PSIP1: variants seen among roughly 807,000 people sequenced by gnomAD.
The protein encoded by PSIP1 is PC4 and SRSF1 interacting protein 1, also known as PC4 and SFRS1-interacting protein.
PSIP1 carries 19 observed loss-of-function variants against 74.7 expected under a neutral mutation model. That is an observed-to-expected ratio of 0.25 (90% CI 0.18 to 0.37). The LOEUF (loss-of-function observed/expected upper bound fraction) is 0.37, where lower values mean the gene tolerates loss of function less well. PSIP1 is among the 10% of genes least tolerant of loss of function. The pLI is 1.00. For synonymous variants in PSIP1, 222 were observed against 195.3 expected (o/e 1.14, Z -1.14); for missense variants, 601 against 614.3 (o/e 0.98, Z 0.23).
chr9:15,478,267 C>T (rs900913547), intron 8 of PSIP1, among the ~76,000 whole-genome samples: 5 of 150,632 alleles, frequency 3.3e-5, no homozygotes, highest in South Asian at 2.1e-4. Context: ...ATTGATATAC[C>T]CAAGAGTCTT....
At chr9:15,473,937 A>G in intron 9 of PSIP1, 72 bp downstream of exon 9, 3 of 976,424 alleles carry the variant, frequency 3.1e-6, no homozygotes, top group Non-Finnish European at 2.7e-6. Context: ...CAAAAAAAAA[A>G]CAAAGAAAAA....
intron 11 of PSIP1, 76 bp from the exon 12 acceptor site, chr9:15,469,412 T>G: frequency 3.5e-6 from 3 of 866,248 alleles, no homozygotes; most frequent in Non-Finnish European, 3.6e-6. Flanking sequence ...CTAAGTATAA[T>G]GAATTAGTGG....
At chr9:15,468,916 T>C in intron 13 of PSIP1, 41 bp downstream of exon 13, 4 of 1,605,534 alleles carry the variant, frequency 2.5e-6, no homozygotes, top group East Asian at 2.2e-5. Flanking sequence ...AATGAAGTAA[T>C]GACAAAATTC....
chr9:15,488,162 C>T (rs1431326170), intron 4 of PSIP1, among the ~76,000 whole-genome samples: 1 of 151,936 alleles, frequency 6.6e-6, no homozygotes, highest in Non-Finnish European at 1.5e-5. Flanking sequence ...AACCCCATCT[C>T]TACTAAAAAT....
chr9:15,468,350 T>A (rs765778683), intron 14 of PSIP1: 1 of 628,356 alleles, frequency 1.6e-6, no homozygotes, highest in East Asian at 3.6e-5. Flanking sequence ...TTAGGAGGCA[T>A]TGTGATGGAT....
intron 3 of PSIP1, among the ~76,000 whole-genome samples, chr9:15,490,532 A>C (rs1284567032): frequency 6.6e-6 from 1 of 151,852 alleles, no homozygotes; most frequent in Non-Finnish European, 1.5e-5. Context: ...AAAATACAAA[A>C]ATTAGCCGGG....
At chr9:15,498,500 A>G (rs979185630) in intron 3 of PSIP1, among the ~76,000 whole-genome samples, 1 of 151,766 alleles carries the variant, frequency 6.6e-6, no homozygotes, top group African/African-American at 2.4e-5. Flanking sequence ...ATGACAGCAG[A>G]TGGAAAAAAA....
chr9:15,510,278 C>A lies in PSIP1; in HGVS notation c.-90G>T. On this transcript the variant is annotated 5_prime_UTR_variant, in exon 2 of 16. Coordinates refer to ENST00000380733, the MANE Select transcript of PSIP1 (RefSeq NM_033222.5). Reference sequence around the variant, plus strand: ...ATGCGGGCGGCGGACGCGGGCCCAGCTACCGGGCCCGCGGGCGGGGGAGGA... The same window carrying A: ...ATGCGGGCGGCGGACGCGGGCCCAGATACCGGGCCCGCGGGCGGGGGAGGA... The A allele has an allele frequency of 9.1e-7, 1 of 1,096,624 alleles. No homozygotes were observed. The highest frequency in any genetic ancestry group is 1.3e-6 in the Non-Finnish European group (1 of 788,778). 67.9% of individuals were successfully genotyped at this position (1,096,624 alleles called of 1,614,324 possible).
At position 15,468,946 on chromosome 9, in the gene PSIP1, A is replaced by G; in HGVS notation, c.1206+11T>C. 6.2e-7 allele frequency: 1 copy of G among 1,611,946 alleles called. No homozygotes were observed. The highest frequency in any genetic ancestry group is 8.5e-7 in the Non-Finnish European group (1 of 1,178,914). ...AAATTCAAAGAATCCACATGACTTG[A>G]AATCACTTACTTTTTTCAGTGTAGT... On this transcript the variant is annotated intron_variant, in intron 13 of 15. Coordinates refer to ENST00000380733, the MANE Select transcript of PSIP1 (RefSeq NM_033222.5).
intron 3 of PSIP1, among the ~76,000 whole-genome samples, chr9:15,496,017 G>A (rs2037056051): frequency 6.6e-6 from 1 of 152,064 alleles, no homozygotes; most frequent in Non-Finnish European, 1.5e-5. Context: ...GTCACATGGG[G>A]ACATCATTAG....
At chr9:15,491,413 C>G (rs189533587) in intron 3 of PSIP1, among the ~76,000 whole-genome samples, 13 of 152,330 alleles carry the variant, frequency 8.5e-5, no homozygotes, top group African/African-American at 3.1e-4. Context: ...AGACTCAAGT[C>G]TTTCCACTAC....
rs117627175 is a variant in PSIP1 at position 15,492,625 on chromosome 9, C to T, written c.150-2501G>A. Among the ~76,000 whole-genome samples the T allele has an allele frequency of 2.0e-4, 30 of 152,270 alleles. No individual in the cohort carries two copies. The East Asian group carries it at 4.4e-3, about 23-fold the overall frequency. ...CAGTGCCCCAGTGCGGACTCGGTGT[C>T]GGGGATGCAACCCCACATTTCCCTT... is the stretch of plus-strand genomic sequence containing the variant. On this transcript the variant is annotated intron_variant, in intron 3 of 15. Transcript: ENST00000380733.
rs56229158 is a variant in PSIP1, at chr9:15,497,320, G to A, written c.150-7196C>T. ...AGCCACTGAAGACCACACGTTCTAT[G>A]ATTCCTTTTTTTTTTTTTTTTGAGA... On this transcript the variant is annotated intron_variant, in intron 3 of 15. Transcript: ENST00000380733. 2.1e-3 allele frequency among the ~76,000 whole-genome samples: 245 copies of A among 114,500 alleles called. 1 individual carries two copies. Among genetic ancestry groups the A allele is most frequent in the African/African-American group, 0.013 (241 of 18,032 alleles). 75.1% of individuals were successfully genotyped at this position (114,500 alleles called of 152,430 possible).
Position 15,474,027 on chromosome 9 carries a change from A to C in PSIP1, c.840T>G (p.Asp280Glu). Residue 280 changes from aspartate to glutamate, a missense_variant, in exon 9 of 16, where the codon GAT (aspartate) becomes GAG (glutamate). By Grantham distance (45) the Asp-to-Glu change is conservative (BLOSUM62 2). This residue lies in a region of PSIP1 where 538 missense variants were observed against 507.6 expected (regional missense o/e 1.06). Transcript: ENST00000380733. ...TTTATACCTTTTCACCTTCTTGATC[A>C]TCTCCTTCTTCTTCAGAATCGGAGG... is the stretch of plus-strand genomic sequence containing the variant. Reference protein sequence around the residue: ...TSTSDSEEEGDDQEGEKKRKG... With the variant: ...TSTSDSEEEGEDQEGEKKRKG... The C allele has an allele frequency of 6.2e-7, 1 of 1,612,794 alleles. No individual in the cohort carries two copies. Among genetic ancestry groups the C allele is most frequent in the African/African-American group, 1.3e-5 (1 of 74,856 alleles).
intron 3 of PSIP1, chr9:15,505,746 T>A (rs1422254098): frequency 6.6e-6 from 1 of 152,216 alleles, no homozygotes; most frequent in Admixed American, 6.5e-5. Flanking sequence ...AATAGAGCTA[T>A]TAAAGACATT....
intron 11 of PSIP1, 47 bp from the exon 12 acceptor site, chr9:15,469,383 C>T (rs1355389025): frequency 1.6e-6 from 2 of 1,260,122 alleles, no homozygotes; most frequent in South Asian, 2.8e-5. Flanking sequence ...TTTCCAAAAC[C>T]AGTATTTCTA....
intron 2 of PSIP1, among the ~76,000 whole-genome samples, chr9:15,506,973 G>A (rs1474586143): frequency 2.6e-5 from 4 of 152,144 alleles, no homozygotes; most frequent in Non-Finnish European, 4.4e-5. Flanking sequence ...TACTCTCCCT[G>A]CCTTCCTAAA....
chr9:15,474,818 T>C (rs866730898), intron 8 of PSIP1, among the ~76,000 whole-genome samples: 2 of 152,174 alleles, frequency 1.3e-5, no homozygotes, highest in Admixed American at 6.5e-5. Flanking sequence ...TAATTACTTT[T>C]ATGGTTGATA....
intron 10 of PSIP1, chr9:15,472,283 T>G (rs2035870877): frequency 9.9e-7 from 1 of 1,006,272 alleles, no homozygotes; most frequent in African/African-American, 1.7e-5. Flanking sequence ...CTGCATTCTT[T>G]GTCTACCAGT....
Sources: allele counts gnomAD v4.1 joint callset (sites outside exome capture counted in the v4.1 genomes callset), GRCh38; gene constraint gnomAD v4.1.1; regional missense constraint gnomAD v4.1.1; transcripts MANE v1.5; gene names NCBI Gene and HGNC (gene_info 2026-07-23, HGNC 2026-07-21).